ZBBX: variants seen among roughly 807,000 people sequenced by gnomAD.
ZBBX encodes zinc finger B-box domain containing.
In ZBBX, 101 loss-of-function variants were observed where a neutral mutation model predicts 108.5. That is an observed-to-expected ratio of 0.93 (90% CI 0.79 to 1.10). The LOEUF is 1.10. ZBBX is among the 50% of genes least tolerant of loss of function. The pLI is 0.00. For synonymous variants in ZBBX, 356 were observed against 323.4 expected (o/e 1.10, Z -1.08); for missense variants, 1,009 against 941.4 (o/e 1.07, Z -0.94).
intron 21 of ZBBX, among the ~76,000 whole-genome samples, chr3:167,241,515 G>T (rs1370661973): frequency 6.6e-6 from 1 of 152,104 alleles, no homozygotes; most frequent in Non-Finnish European, 1.5e-5. Context: ...GGTGTAGTTT[G>T]TTTTTAATGA....
chr3:167,401,089 G>C (rs142695082), intron 1 of ZBBX, among the ~76,000 whole-genome samples: 1 of 152,072 alleles, frequency 6.6e-6, no homozygotes, highest in East Asian at 1.9e-4. Flanking sequence ...GTGGTCCTTG[G>C]ACTCAAATAT....
intron 4 of ZBBX, 151 bp downstream of exon 4, chr3:167,372,683 T>C: frequency 2.1e-6 from 1 of 481,498 alleles, no homozygotes; most frequent in South Asian, 4.4e-5. Context: ...TTTAAACTAT[T>C]ATAGATTTAT....
chr3:167,391,351 G>C (rs1748079583), intron 1 of ZBBX, among the ~76,000 whole-genome samples: 1 of 152,042 alleles, frequency 6.6e-6, no homozygotes, highest in Admixed American at 6.6e-5. Flanking sequence ...GATCATCGTG[G>C]ATAAACTTTT....
At chr3:167,302,899 A>C (rs546387499) in intron 17 of ZBBX, among the ~76,000 whole-genome samples, 2 of 152,344 alleles carry the variant, frequency 1.3e-5, no homozygotes, top group Admixed American at 1.3e-4. Context: ...CTGGGCAGTA[A>C]GCCTGCCTGA....
intron 6 of ZBBX, among the ~76,000 whole-genome samples, chr3:167,361,150 A>G (rs1378071244): frequency 6.6e-6 from 1 of 152,118 alleles, no homozygotes. Flanking sequence ...ACACTACTAT[A>G]GAAACCCATA....
chr3:167,329,127 G>T (rs1267216316), intron 10 of ZBBX, among the ~76,000 whole-genome samples: 1 of 152,134 alleles, frequency 6.6e-6, no homozygotes, highest in Non-Finnish European at 1.5e-5. Context: ...GTGGAGAGAT[G>T]AATTCAGTAC....
intron 20 of ZBBX, among the ~76,000 whole-genome samples, chr3:167,263,915 T>C (rs748945312): frequency 6.6e-6 from 1 of 152,236 alleles, no homozygotes; most frequent in Non-Finnish European, 1.5e-5. Flanking sequence ...GGTATGTATA[T>C]ATTTGTCACC....
upstream of ZBBX, among the ~76,000 whole-genome samples, chr3:167,380,851 C>A (rs1747657018): frequency 7.2e-6 from 1 of 139,412 alleles, no homozygotes. Flanking sequence ...AAACAAAAAG[C>A]AAAAGCAAAT....
At chr3:167,361,240 T>C (rs2108544637) in intron 6 of ZBBX, among the ~76,000 whole-genome samples, 1 of 152,250 alleles carries the variant, frequency 6.6e-6, no homozygotes, top group South Asian at 2.1e-4. Context: ...TTGTGATCAC[T>C]GACTTTCCTA....
the ZBBX span, among the ~76,000 whole-genome samples, chr3:167,211,591 G>C: frequency 1.3e-5 from 2 of 152,098 alleles, no homozygotes; most frequent in Non-Finnish European, 2.9e-5. Context: ...CAGGGGGAGG[G>C]AAAGGCTGCC....
intron 8 of ZBBX, among the ~76,000 whole-genome samples, chr3:167,359,273 AG>A: frequency 6.6e-6 from 1 of 152,174 alleles, no homozygotes. Flanking sequence ...TCAGGACAGT[AG>A]TTGCCTTGGT....
chr3:167,351,841 A>G (rs1012858455), intron 8 of ZBBX, among the ~76,000 whole-genome samples: 4 of 152,238 alleles, frequency 2.6e-5, no homozygotes, highest in African/African-American at 9.6e-5. Flanking sequence ...CTACTGATGC[A>G]TGACCTGGTG....
chr3:167,348,454 AAG>A (rs1742081408), intron 9 of ZBBX, among the ~76,000 whole-genome samples: 3 of 132,600 alleles, frequency 2.3e-5, no homozygotes, highest in East Asian at 2.9e-4. Context: ...GAAGGAGAGA[AAG>A]AGGAAAGAAA....
chr3:167,364,558 GT>G (rs62962363), intron 6 of ZBBX, among the ~76,000 whole-genome samples: 132,496 of 151,528 alleles, frequency 0.87, 57,940 homozygotes, highest in East Asian at 0.93. Context: ...GAGTTATTTA[GT>G]TTTTTTTTAT....
intron 1 of ZBBX, among the ~76,000 whole-genome samples, chr3:167,405,312 C>A (rs1029680464): frequency 6.6e-6 from 1 of 152,026 alleles, no homozygotes; most frequent in South Asian, 2.1e-4. Context: ...GAACCCTTGA[C>A]CTCTGACATA....
At chr3:167,292,023 G>C (rs796531291) in intron 18 of ZBBX, among the ~76,000 whole-genome samples, 7 of 152,288 alleles carry the variant, frequency 4.6e-5, no homozygotes, top group African/African-American at 1.7e-4. Flanking sequence ...AAATATGTAT[G>C]CACCCAACAC....
intron 19 of ZBBX, among the ~76,000 whole-genome samples, chr3:167,285,562 A>G (rs1435467041): frequency 6.6e-6 from 1 of 152,156 alleles, no homozygotes; most frequent in African/African-American, 2.4e-5. Flanking sequence ...CTAGGTAACT[A>G]AGAATGTTAT....
At chr3:167,380,866 G>GCACACACACACACACA (rs59349359), upstream of ZBBX, among the ~76,000 whole-genome samples, 3 of 141,442 alleles carry the variant, frequency 2.1e-5, no homozygotes, top group East Asian at 2.2e-4. Flanking sequence ...GCAAATATAT[G>GCACACACACACACACA]CACACACACA....
At chr3:167,392,020 G>C (rs1748097740) in intron 1 of ZBBX, among the ~76,000 whole-genome samples, 1 of 151,482 alleles carries the variant, frequency 6.6e-6, no homozygotes, top group Non-Finnish European at 1.5e-5. Context: ...TTCCCAAAAA[G>C]TTTCTGCCTA....
Sources: gnomAD v4.1 joint callset for allele counts (sites outside exome capture counted in the v4.1 genomes callset) on GRCh38, gnomAD v4.1.1 for gene constraint, MANE v1.5 for transcripts, NCBI Gene and HGNC (gene_info 2026-07-23, HGNC 2026-07-21) for gene names.